The following SNX9 variants were observed in gnomAD, a reference collection of about 807,000 sequenced individuals.
SNX9 encodes sorting nexin-9.
Under a neutral mutation model 89.4 loss-of-function variants are expected in SNX9, and 44 were observed. The observed-to-expected ratio is 0.49, with a 90% CI of 0.39 to 0.63. The LOEUF is 0.63. Among genes scored for constraint, SNX9 ranks in the 30% least tolerant of loss-of-function variants. SNX9 has a pLI of 0.00. For missense variants in SNX9, 578 were observed against 736.1 expected (o/e 0.79, Z 2.49); for synonymous variants, 236 against 247.8 (o/e 0.95, Z 0.45).
At chr6:157,889,430 C>CAAAAA (rs56303673) in intron 4 of SNX9, among the ~76,000 whole-genome samples, 2 of 58,500 alleles carry the variant, frequency 3.4e-5, no homozygotes, top group African/African-American at 1.0e-4. Flanking sequence ...GACCCTGTCT[C>CAAAAA]AAAAAAAAAA....
At chr6:157,894,101 C>CTTTTCTTTTT (rs1782921880) in intron 4 of SNX9, among the ~76,000 whole-genome samples, 1 of 103,360 alleles carries the variant, frequency 9.7e-6, no homozygotes, top group Non-Finnish European at 2.1e-5. Context: ...TTTCGCTTTT[C>CTTTTCTTTTT]TTTTCTTTTT....
intron 1 of SNX9, among the ~76,000 whole-genome samples, chr6:157,826,166 TAGA>T (rs1006759530): frequency 3.9e-5 from 6 of 152,150 alleles, no homozygotes; most frequent in Non-Finnish European, 8.8e-5. Flanking sequence ...AATTATCTTT[TAGA>T]AGAAGAACTT....
chr6:157,883,576 T>C (rs1418664052), intron 4 of SNX9, among the ~76,000 whole-genome samples: 1 of 152,246 alleles, frequency 6.6e-6, no homozygotes, highest in Non-Finnish European at 1.5e-5. Flanking sequence ...AGCTCAGTTC[T>C]ATTTCTGTGA....
intron 1 of SNX9, among the ~76,000 whole-genome samples, chr6:157,840,533 T>C (rs1781685451): frequency 6.6e-6 from 1 of 151,992 alleles, no homozygotes; most frequent in African/African-American, 2.4e-5. Context: ...GAGTTGAGCT[T>C]GCCTTTATTA....
At chr6:157,840,472 T>TTCTC (rs542538171) in intron 1 of SNX9, among the ~76,000 whole-genome samples, 2 of 150,574 alleles carry the variant, frequency 1.3e-5, no homozygotes, top group African/African-American at 4.9e-5. Context: ...TCCTTCTCCC[T>TTCTC]TCTCTCTCTC....
At chr6:157,903,635 CTG>C (rs1359204532) in intron 6 of SNX9, among the ~76,000 whole-genome samples, 2 of 152,160 alleles carry the variant, frequency 1.3e-5, no homozygotes, top group Non-Finnish European at 2.9e-5. Context: ...GAAGCAGAGA[CTG>C]AGAAAAATGA....
intron 1 of SNX9, among the ~76,000 whole-genome samples, chr6:157,833,547 C>G (rs1781515388): frequency 6.6e-6 from 1 of 152,098 alleles, no homozygotes; most frequent in Admixed American, 6.5e-5. Context: ...TTAAAAGTAG[C>G]TTTAAAACAT....
intron 3 of SNX9, 195 bp from the exon 4 acceptor site, chr6:157,874,856 T>TA (rs1274379199): frequency 1.4e-5 from 7 of 498,296 alleles, no homozygotes; most frequent in African/African-American, 1.4e-4. Context: ...CTCGAGAAAT[T>TA]AAAAAATAGT....
intron 4 of SNX9, among the ~76,000 whole-genome samples, chr6:157,890,262 C>T (rs1357675296): frequency 3.9e-5 from 6 of 152,152 alleles, no homozygotes; most frequent in Admixed American, 1.3e-4. Flanking sequence ...TGTCCGTCTC[C>T]CCCACCCCTC....
At chr6:157,894,149 G>GC (rs1562608072) in intron 4 of SNX9, among the ~76,000 whole-genome samples, 1 of 119,378 alleles carries the variant, frequency 8.4e-6, no homozygotes, top group African/African-American at 3.3e-5. Context: ...TCTCTGTGTC[G>GC]CCCAGTCTGG....
chr6:157,877,945 T>G (rs1782551369), intron 4 of SNX9, among the ~76,000 whole-genome samples: 1 of 152,222 alleles, frequency 6.6e-6, no homozygotes, highest in African/African-American at 2.4e-5. Flanking sequence ...TTTTTAAAGA[T>G]CTCTTTGAAT....
At chr6:157,891,763 C>T (rs1782866912) in intron 4 of SNX9, among the ~76,000 whole-genome samples, 1 of 152,204 alleles carries the variant, frequency 6.6e-6, no homozygotes, top group Admixed American at 6.5e-5. Flanking sequence ...CAGAGCCCTT[C>T]TGATGGGGTA....
intron 4 of SNX9, among the ~76,000 whole-genome samples, chr6:157,879,252 G>A (rs144044634): frequency 0.014 from 2,074 of 152,360 alleles, 27 homozygotes; most frequent in Non-Finnish European, 0.021. Context: ...GAATGTAAAT[G>A]TCTGTCAGCA....
intron 10 of SNX9, among the ~76,000 whole-genome samples, chr6:157,922,480 A>G (rs1291539145): frequency 6.6e-6 from 1 of 152,244 alleles, no homozygotes; most frequent in East Asian, 1.9e-4. Flanking sequence ...ATAATAGAAT[A>G]TCATATACCC....
chr6:157,912,866 A>C (rs1783379403), intron 9 of SNX9, among the ~76,000 whole-genome samples: 1 of 152,248 alleles, frequency 6.6e-6, no homozygotes, highest in Non-Finnish European at 1.5e-5. Flanking sequence ...AAAACAGGGA[A>C]ATAAAAGTTC....
chr6:157,840,052 G>C (rs1034682441), intron 1 of SNX9, among the ~76,000 whole-genome samples: 1 of 152,232 alleles, frequency 6.6e-6, no homozygotes, highest in Admixed American at 6.5e-5. Flanking sequence ...AGATCTGAGG[G>C]AAGGTGGGGG....
intron 4 of SNX9, among the ~76,000 whole-genome samples, chr6:157,877,823 T>C (rs2078707448): frequency 6.6e-6 from 1 of 152,120 alleles, no homozygotes; most frequent in Admixed American, 6.5e-5. Context: ...TCTTTACTCA[T>C]CTTAGCATCA....
At chr6:157,905,914 G>A (rs1783205813) in intron 6 of SNX9, among the ~76,000 whole-genome samples, 2 of 152,164 alleles carry the variant, frequency 1.3e-5, no homozygotes, top group Admixed American at 1.3e-4. Flanking sequence ...ACCTTCTGGA[G>A]TCAAACTGTT....
intron 4 of SNX9, among the ~76,000 whole-genome samples, chr6:157,884,337 A>G (rs1782688305): frequency 1.3e-5 from 2 of 152,238 alleles, no homozygotes; most frequent in Admixed American, 1.3e-4. Context: ...AGGCAATGGT[A>G]ATTTTATGTT....
Sources: allele counts gnomAD v4.1 joint callset (sites outside exome capture counted in the v4.1 genomes callset), GRCh38; gene constraint gnomAD v4.1.1; transcripts MANE v1.5; gene names NCBI Gene and HGNC (gene_info 2026-07-23, HGNC 2026-07-21).